Variants in SCFD1 observed in about 807,000 individuals in gnomAD.
SCFD1 encodes the protein sec1 family domain containing 1.
Under a neutral mutation model 103.2 loss-of-function variants are expected in SCFD1, and 37 were observed. The observed-to-expected ratio is 0.36, with a 90% CI of 0.28 to 0.47. SCFD1 has a LOEUF of 0.47. Ranked by LOEUF, SCFD1 falls within the 20% of genes least tolerant of loss-of-function variation. SCFD1 has a pLI of 1.00. For missense variants in SCFD1, 639 were observed against 761.2 expected (o/e 0.84, Z 1.89); for synonymous variants, 264 against 245.0 (o/e 1.08, Z -0.73).
At chr14:30,636,849 AT>A (rs1046731518) in intron 4 of SCFD1, among the ~76,000 whole-genome samples, 1 of 152,026 alleles carries the variant, frequency 6.6e-6, no homozygotes, top group Non-Finnish European at 1.5e-5. Context: ...TAAAAATTCA[AT>A]TGATTTTTAT....
chr14:30,652,375 A>G (rs915308901), intron 9 of SCFD1: 29 of 152,316 alleles, frequency 1.9e-4, no homozygotes, highest in African/African-American at 6.3e-4. Context: ...TACATGAGGT[A>G]TCATATGCCT....
Position 30,657,113 on chromosome 14 carries a change from G to A in SCFD1, c.855+3525G>A, listed in dbSNP as rs551708114. The stretch of plus-strand genomic sequence containing the variant: ...CCTCATCACACCTGCCAGTGGTGTT[G>A]GTGTTAAGGCAATCTAAAACACCGA... On this transcript the variant is annotated intron_variant, in intron 10 of 24. Coordinates refer to ENST00000458591, the MANE Select transcript of SCFD1 (RefSeq NM_016106.4). Among the ~76,000 whole-genome samples the A allele has an allele frequency of 1.7e-3, 259 of 152,004 alleles. 2 individuals are homozygous for A. Among genetic ancestry groups the A allele is most frequent in the African/African-American group, 6.2e-3 (255 of 41,456 alleles).
At chr14:30,713,454 T>C (rs1174980962) in intron 19 of SCFD1, among the ~76,000 whole-genome samples, 1 of 152,162 alleles carries the variant, frequency 6.6e-6, no homozygotes, top group African/African-American at 2.4e-5. Context: ...TTGAACAATT[T>C]TGCTGGAAAG....
intron 23 of SCFD1, among the ~76,000 whole-genome samples, chr14:30,724,244 G>GTTTTTTTTTTTTTT (rs1268662400): frequency 7.9e-6 from 1 of 127,256 alleles, no homozygotes; most frequent in African/African-American, 3.4e-5. Context: ...CTTTTTTATG[G>GTTTTTTTTTTTTTT]GTTTTTTTTT....
chr14:30,680,396 A>G lies in SCFD1; in HGVS notation c.1242+5331A>G, dbSNP rs537254095. ...ACTTTTTTTTTCACTGTTACATAAGATATTTAACATAGTAGGTATATTCCC... is the reference window on the plus strand; with the variant it reads ...ACTTTTTTTTTCACTGTTACATAAGGTATTTAACATAGTAGGTATATTCCC... On this transcript the variant is annotated intron_variant, in intron 14 of 24. Transcript: ENST00000458591. Among the ~76,000 whole-genome samples, 21 of 152,226 alleles carry G rather than the reference A, an allele frequency of 1.4e-4. No homozygotes were observed. The East Asian group carries it at 4.1e-3, about 29-fold the overall frequency.
At chr14:30,704,479 A>G (rs1891332285) in intron 17 of SCFD1, among the ~76,000 whole-genome samples, 1 of 152,206 alleles carries the variant, frequency 6.6e-6, no homozygotes, top group African/African-American at 2.4e-5. Flanking sequence ...TTATTTATTT[A>G]ACCCTTCTTT....
In SCFD1 at chr14:30,644,148, A is replaced by C. The variant is rs139160113; in HGVS notation, c.613+743A>C. ...TCCCTTAGAATAATGACCTCCAGCT[A>C]TATCTATGTTGCTGCAAAGCATATG... On this transcript the variant is annotated intron_variant, in intron 7 of 24. Coordinates refer to ENST00000458591, the MANE Select transcript of SCFD1 (RefSeq NM_016106.4). 3 of 330,036 alleles carry C rather than the reference A, an allele frequency of 9.1e-6. No homozygotes were observed. The Admixed American group carries it at 1.2e-4, about 13-fold the overall frequency. 20.4% of individuals were successfully genotyped at this position (330,036 alleles called of 1,614,324 possible).
intron 3 of SCFD1, among the ~76,000 whole-genome samples, chr14:30,631,117 G>A (rs1297780650): frequency 1.3e-5 from 2 of 152,166 alleles, no homozygotes; most frequent in Non-Finnish European, 2.9e-5. Flanking sequence ...ACTTTGGGAG[G>A]CCAAGGCGGG....
At chr14:30,684,858 G>A (rs1374245884) in intron 14 of SCFD1, among the ~76,000 whole-genome samples, 2 of 72,726 alleles carry the variant, frequency 2.8e-5, no homozygotes, top group Non-Finnish European at 4.7e-5. Context: ...TGTGCACATT[G>A]TGCAGGTTAG....
At chr14:30,632,524 AT>A (rs1409652772) in intron 3 of SCFD1, among the ~76,000 whole-genome samples, 1 of 152,066 alleles carries the variant, frequency 6.6e-6, no homozygotes, top group Non-Finnish European at 1.5e-5. Flanking sequence ...TTTTCCTTTC[AT>A]TTTTATGTCA....
chr14:30,627,361 T>C (rs564232714), intron 1 of SCFD1, among the ~76,000 whole-genome samples: 2 of 152,220 alleles, frequency 1.3e-5, no homozygotes, highest in Non-Finnish European at 2.9e-5. Context: ...AAATTGTTTG[T>C]AAAATATACT....
chr14:30,702,235 A>C, intron 16 of SCFD1, 61 bp from the exon 17 acceptor site: 1 of 1,108,336 alleles, frequency 9.0e-7, no homozygotes, highest in Non-Finnish European at 1.3e-6. Context: ...ATCAAATGGC[A>C]ACAAATAACA....
At chr14:30,722,380 A>G in intron 22 of SCFD1, 114 bp from the exon 23 acceptor site, 1 of 642,502 alleles carries the variant, frequency 1.6e-6, no homozygotes, top group Non-Finnish European at 2.6e-6. Flanking sequence ...AATAATTAAA[A>G]TAGCATCAGG....
intron 10 of SCFD1, 116 bp downstream of exon 10, chr14:30,653,704 C>T (rs947740238): frequency 4.6e-6 from 3 of 645,598 alleles, no homozygotes; most frequent in Non-Finnish European, 7.9e-6. Flanking sequence ...GAACTGAGAC[C>T]TATGAACAAA....
chr14:30,721,069 CATGTCT>C (rs1050002968), intron 21 of SCFD1, among the ~76,000 whole-genome samples: 2 of 152,048 alleles, frequency 1.3e-5, no homozygotes, highest in Non-Finnish European at 2.9e-5. Flanking sequence ...TCTCCTCATC[CATGTCT>C]ACTGTTTAAG....
rs1243303485 is a variant in SCFD1, at chr14:30,730,388, TG to T, written c.1837-4399del. Among the ~76,000 whole-genome samples the T allele has an allele frequency of 3.9e-5, 6 of 152,356 alleles. No homozygotes were observed. The East Asian group carries it at 1.2e-3, about 29-fold the overall frequency. ...GGTATATACCCAGTAATGGGATGGC[TG>T]GGTCAAATGGTATTTCTAGTTCTAC... On this transcript the variant is annotated intron_variant, in intron 23 of 24. Coordinates refer to ENST00000458591, the MANE Select transcript of SCFD1 (RefSeq NM_016106.4).
intron 10 of SCFD1, among the ~76,000 whole-genome samples, chr14:30,668,378 A>C (rs1004767381): frequency 3.3e-5 from 5 of 152,026 alleles, no homozygotes; most frequent in African/African-American, 7.2e-5. Context: ...CACTTCCTTA[A>C]ACCTTATACA....
At chr14:30,667,834 T>C (rs900742654) in intron 10 of SCFD1, among the ~76,000 whole-genome samples, 8 of 151,898 alleles carry the variant, frequency 5.3e-5, no homozygotes, top group East Asian at 1.9e-4. Context: ...ACCTAGGAAT[T>C]CAACTTACAA....
chr14:30,705,382 G>A (rs1308148545), intron 17 of SCFD1, among the ~76,000 whole-genome samples: 1 of 152,194 alleles, frequency 6.6e-6, no homozygotes, highest in Non-Finnish European at 1.5e-5. Flanking sequence ...GTTCTTTTAA[G>A]CCATCAAGTC....
Sources: gnomAD v4.1 joint callset for allele counts (sites outside exome capture counted in the v4.1 genomes callset) on GRCh38, gnomAD v4.1.1 for gene constraint, MANE v1.5 for transcripts, NCBI Gene and HGNC (gene_info 2026-07-23, HGNC 2026-07-21) for gene names.